Variants in UMAD1 observed in about 807,000 individuals in gnomAD.
UMAD1 encodes the protein UBAP1-MVB12-associated (UMA) domain containing 1.
Under a neutral mutation model 6.1 loss-of-function variants are expected in UMAD1, and 8 were observed. The ratio of observed to expected loss-of-function variants is 1.30; its 90% CI spans 0.76 to 2.35. The LOEUF is 2.35. UMAD1 is among the 30% of genes most tolerant of loss of function. The pLI is 0.00. For synonymous variants in UMAD1, 56 were observed against 31.4 expected, an observed-to-expected ratio of 1.78 and a Z score of -2.61; for missense variants, 130 against 78.4, an observed-to-expected ratio of 1.66 and a Z score of -2.49.
chr7:7,794,420 C>A (rs1782629926), intron 2 of UMAD1, among the ~76,000 whole-genome samples: 1 of 152,100 alleles, frequency 6.6e-6, no homozygotes. Context: ...TAATCGGAAT[C>A]CCAGAATTAG....
At chr7:7,705,249 TG>T (rs1239344253) in intron 2 of UMAD1, among the ~76,000 whole-genome samples, 6 of 152,234 alleles carry the variant, frequency 3.9e-5, no homozygotes, top group Non-Finnish European at 8.8e-5. Context: ...GTATAGTTGA[TG>T]CACTGTGATT....
At chr7:7,860,495 T>G (rs73059192) in intron 3 of UMAD1, among the ~76,000 whole-genome samples, 17 of 151,264 alleles carry the variant, frequency 1.1e-4, no homozygotes, top group African/African-American at 4.1e-4. Context: ...GCGTGGTGGC[T>G]TATGCTTGTA....
chr7:7,860,780 A>AAC (rs1554335756), intron 3 of UMAD1, among the ~76,000 whole-genome samples: 1 of 73,914 alleles, frequency 1.4e-5, no homozygotes, highest in Non-Finnish European at 2.8e-5. Flanking sequence ...ATCTCAAAAA[A>AAC]AAAAAAAATA....
intron 2 of UMAD1, among the ~76,000 whole-genome samples, chr7:7,784,538 G>C (rs1301861712): frequency 6.7e-6 from 1 of 149,772 alleles, no homozygotes; most frequent in African/African-American, 2.5e-5. Context: ...GTAGAGATGA[G>C]GTTTCACTGT....
intron 2 of UMAD1, among the ~76,000 whole-genome samples, chr7:7,751,128 A>G (rs1301921218): frequency 6.6e-6 from 1 of 152,154 alleles, no homozygotes; most frequent in Admixed American, 6.5e-5. Context: ...TGCTGTCATT[A>G]TTGTTTTCTG....
At chr7:7,798,654 C>T (rs913199657) in intron 2 of UMAD1, among the ~76,000 whole-genome samples, 4 of 152,228 alleles carry the variant, frequency 2.6e-5, no homozygotes, top group African/African-American at 9.7e-5. Flanking sequence ...CTCCTCTCTT[C>T]ACACCCTGTT....
intron 2 of UMAD1, among the ~76,000 whole-genome samples, chr7:7,713,096 T>C (rs973204934): frequency 2.0e-5 from 3 of 151,928 alleles, no homozygotes; most frequent in Admixed American, 6.6e-5. Context: ...CCCAGCACAT[T>C]GGGAGGCTAA....
At chr7:7,815,205 A>T (rs1048758386) in intron 3 of UMAD1, among the ~76,000 whole-genome samples, 1 of 152,214 alleles carries the variant, frequency 6.6e-6, no homozygotes, top group Non-Finnish European at 1.5e-5. Context: ...GAACTGTATC[A>T]GACAGACTTG....
At chr7:7,755,704 T>C (rs1334285194) in intron 2 of UMAD1, among the ~76,000 whole-genome samples, 1 of 152,062 alleles carries the variant, frequency 6.6e-6, no homozygotes, top group Admixed American at 6.5e-5. Context: ...TTAAAAAAAA[T>C]CCGAGTGGTT....
intron 1 of UMAD1, among the ~76,000 whole-genome samples, chr7:7,659,206 T>C (rs768448607): frequency 6.6e-6 from 1 of 152,308 alleles, no homozygotes; most frequent in South Asian, 2.1e-4. Context: ...TTCTTCTTTA[T>C]TGGTCTTGCT....
chr7:7,735,223 C>CA (rs202046769), intron 2 of UMAD1, among the ~76,000 whole-genome samples: 1 of 151,712 alleles, frequency 6.6e-6, no homozygotes, highest in African/African-American at 2.4e-5. Context: ...GACATTTTGG[C>CA]AAAAAAATAA....
At chr7:7,664,055 C>T (rs1444821689) in intron 1 of UMAD1, among the ~76,000 whole-genome samples, 1 of 152,198 alleles carries the variant, frequency 6.6e-6, no homozygotes. Flanking sequence ...AGGATTTCTA[C>T]CATCTGCACA....
intron 3 of UMAD1, among the ~76,000 whole-genome samples, chr7:7,857,274 G>A (rs187875015): frequency 1.3e-5 from 2 of 152,234 alleles, no homozygotes; most frequent in Non-Finnish European, 2.9e-5. Flanking sequence ...ATTCAGTCCC[G>A]GAAATGTTCT....
At chr7:7,808,702 ATATTTTTATTTACT>A (rs1283515707) in intron 3 of UMAD1, among the ~76,000 whole-genome samples, 16 of 151,952 alleles carry the variant, frequency 1.1e-4, no homozygotes, top group East Asian at 3.8e-4. Context: ...AGACTGAGGG[ATATTTTTATTTACT>A]TATTTTTATT....
At chr7:7,694,643 ATCTC>A (rs1433394029) in intron 2 of UMAD1, among the ~76,000 whole-genome samples, 8 of 150,952 alleles carry the variant, frequency 5.3e-5, no homozygotes, top group Middle Eastern at 3.4e-3. Context: ...TGTGAAGTTT[ATCTC>A]TCTCTGCCTG....
At chr7:7,869,531 T>G (rs1784298876) in intron 3 of UMAD1, among the ~76,000 whole-genome samples, 1 of 152,206 alleles carries the variant, frequency 6.6e-6, no homozygotes, top group Admixed American at 6.5e-5. Context: ...GCTGTTTTAG[T>G]TAAGGCTGGT....
At chr7:7,672,569 T>C (rs1036876235) in intron 1 of UMAD1, among the ~76,000 whole-genome samples, 1 of 152,150 alleles carries the variant, frequency 6.6e-6, no homozygotes, top group African/African-American at 2.4e-5. Context: ...GATAATTAAA[T>C]CATGGGAGCC....
At chr7:7,708,405 A>G (rs973940781) in intron 2 of UMAD1, among the ~76,000 whole-genome samples, 1 of 152,202 alleles carries the variant, frequency 6.6e-6, no homozygotes, top group Non-Finnish European at 1.5e-5. Context: ...TTGTTTCTGT[A>G]TTAAACAGTT....
At chr7:7,688,669 C>T (rs367914603) in intron 2 of UMAD1, among the ~76,000 whole-genome samples, 22 of 152,154 alleles carry the variant, frequency 1.4e-4, no homozygotes, top group African/African-American at 5.3e-4. Context: ...TATTTTGTAG[C>T]AGCTCCTATA....
Sources: gnomAD v4.1 joint callset for allele counts (sites outside exome capture counted in the v4.1 genomes callset) on GRCh38, gnomAD v4.1.1 for gene constraint, MANE v1.5 for transcripts, NCBI Gene and HGNC (gene_info 2026-07-23, HGNC 2026-07-21) for gene names.